Variants in SMYD3 observed in about 807,000 individuals in gnomAD.
The protein encoded by SMYD3 is histone-lysine N-methyltransferase SMYD3.
SMYD3 carries 36 observed loss-of-function variants against 57.7 expected under a neutral mutation model. The ratio of observed to expected loss-of-function variants is 0.62; its 90% CI spans 0.48 to 0.82. The LOEUF is 0.82. Ranked by LOEUF, SMYD3 falls within the 40% of genes least tolerant of loss-of-function variation. The pLI, the probability that SMYD3 is intolerant of heterozygous loss-of-function variation, is 0.00. For synonymous variants in SMYD3, 211 were observed against 195.0 expected (o/e 1.08, Z -0.68); for missense variants, 515 against 538.8 (o/e 0.96, Z 0.44).
chr1:245,848,826 C>T (rs1173454468), intron 10 of SMYD3, among the ~76,000 whole-genome samples: 1 of 152,120 alleles, frequency 6.6e-6, no homozygotes, highest in Admixed American at 6.5e-5. Flanking sequence ...TAAAGGGAAA[C>T]AGGTATCCTT....
intron 5 of SMYD3, among the ~76,000 whole-genome samples, chr1:246,250,740 C>T (rs537982883): frequency 6.6e-6 from 1 of 152,266 alleles, no homozygotes; most frequent in South Asian, 2.1e-4. Flanking sequence ...AAACTTTGGA[C>T]AATAAATACT....
chr1:245,770,951 A>G (rs983982667), intron 10 of SMYD3, among the ~76,000 whole-genome samples: 10 of 152,296 alleles, frequency 6.6e-5, no homozygotes, highest in African/African-American at 2.4e-4. Flanking sequence ...ATACAGAGAC[A>G]ATGTAACAGA....
In SMYD3 at chr1:246,310,661, C is replaced by CT. The variant is rs386370347; in HGVS notation, c.531+16539dup. Among the ~76,000 whole-genome samples the CT allele has an allele frequency of 7.5e-3, 541 of 72,178 alleles. 12 individuals carry two copies. Among genetic ancestry groups the CT allele is most frequent in the Non-Finnish European group, 7.1e-3 (292 of 41,038 alleles). 47.4% of individuals were successfully genotyped at this position (72,178 alleles called of 152,430 possible). On this transcript the variant is annotated intron_variant, in intron 5 of 11. Coordinates refer to ENST00000490107, the MANE Select transcript of SMYD3 (RefSeq NM_001167740.2). ...TTAGGGGAAAGGACAAAGAGTAAGG[C>CT]TTTTTTTTTTTTTTTTTTTTTTTTC... is the stretch of plus-strand genomic sequence containing the variant.
intron 10 of SMYD3, among the ~76,000 whole-genome samples, chr1:245,803,855 T>C (rs1405317411): frequency 6.6e-6 from 1 of 151,756 alleles, no homozygotes; most frequent in Non-Finnish European, 1.5e-5. Flanking sequence ...CTTTGAGCCC[T>C]GGATCCAACC....
chr1:245,873,690 G>A (rs187727647), intron 8 of SMYD3, among the ~76,000 whole-genome samples: 1 of 152,356 alleles, frequency 6.6e-6, no homozygotes, highest in Non-Finnish European at 1.5e-5. Context: ...TTCAAGTGAG[G>A]TTTAAAGGGC....
intron 1 of SMYD3, among the ~76,000 whole-genome samples, chr1:246,410,671 G>C (rs567678115): frequency 6.6e-6 from 1 of 152,268 alleles, no homozygotes; most frequent in South Asian, 2.1e-4. Context: ...GTATCACGAT[G>C]ATGATGGCCT....
intron 5 of SMYD3, among the ~76,000 whole-genome samples, chr1:246,020,916 T>C (rs2148226075): frequency 6.6e-6 from 1 of 152,076 alleles, no homozygotes; most frequent in East Asian, 1.9e-4. Context: ...CAAACCTACA[T>C]CTCCCTCTTC....
At chr1:246,419,766 T>C (rs953808857) in intron 1 of SMYD3, among the ~76,000 whole-genome samples, 2 of 152,336 alleles carry the variant, frequency 1.3e-5, no homozygotes, top group African/African-American at 4.8e-5. Context: ...TATGAGAATC[T>C]AATACCTGAT....
intron 5 of SMYD3, among the ~76,000 whole-genome samples, chr1:246,148,522 G>A (rs2061892348): frequency 6.6e-6 from 1 of 152,118 alleles, no homozygotes; most frequent in African/African-American, 2.4e-5. Context: ...CCTGGACACA[G>A]GACAAAAACG....
At chr1:246,070,553 C>T (rs1392417561) in intron 5 of SMYD3, among the ~76,000 whole-genome samples, 1 of 152,198 alleles carries the variant, frequency 6.6e-6, no homozygotes, top group Admixed American at 6.5e-5. Context: ...CCTGTATTCA[C>T]TTCCCCAAAG....
intron 1 of SMYD3, among the ~76,000 whole-genome samples, chr1:246,487,733 T>C (rs2068209882): frequency 6.6e-6 from 1 of 151,552 alleles, no homozygotes; most frequent in African/African-American, 2.4e-5. Context: ...TCACTCTTGT[T>C]GCCCAGGCTG....
At chr1:245,852,819 A>G (rs1018629790) in intron 10 of SMYD3, among the ~76,000 whole-genome samples, 2 of 152,182 alleles carry the variant, frequency 1.3e-5, no homozygotes, top group African/African-American at 2.4e-5. Context: ...TTCGCCCATC[A>G]CTGTGCAGGT....
At chr1:245,812,078 C>T (rs561801073) in intron 10 of SMYD3, among the ~76,000 whole-genome samples, 1 of 152,174 alleles carries the variant, frequency 6.6e-6, no homozygotes, top group Admixed American at 6.5e-5. Flanking sequence ...TAATTATGTT[C>T]GGTGGCTTGA....
At chr1:246,040,370 GC>G (rs1266116195) in intron 5 of SMYD3, among the ~76,000 whole-genome samples, 1 of 152,108 alleles carries the variant, frequency 6.6e-6, no homozygotes, top group Non-Finnish European at 1.5e-5. Flanking sequence ...CACCACAAAC[GC>G]AAGTGCTGCC....
chr1:246,476,991 T>C (rs993220101), intron 1 of SMYD3, among the ~76,000 whole-genome samples: 1 of 152,210 alleles, frequency 6.6e-6, no homozygotes, highest in Non-Finnish European at 1.5e-5. Flanking sequence ...GAGAAAGAAA[T>C]TGTTCCAACT....
chr1:245,923,304 A>G (rs1328918043), intron 7 of SMYD3, among the ~76,000 whole-genome samples: 1 of 149,720 alleles, frequency 6.7e-6, no homozygotes, highest in Non-Finnish European at 1.5e-5. Context: ...GAAAAAAAAA[A>G]CAAGAAAATC....
rs945675954 is a variant in SMYD3, at chr1:246,389,858, G to A, written c.165-34764C>T. Among the ~76,000 whole-genome samples, 58 of 151,716 alleles carry A rather than the reference G, an allele frequency of 3.8e-4. 1 individual carries two copies. Among genetic ancestry groups the A allele is most frequent in the African/African-American group, 1.3e-3 (53 of 41,374 alleles). On this transcript the variant is annotated intron_variant, in intron 1 of 11. Coordinates refer to ENST00000490107, the MANE Select transcript of SMYD3 (RefSeq NM_001167740.2). ...AGCATTCATTCTTGAAAATCACCTC[G>A]AGGTTGAAGTCAGTTTCTAGAGGAC... is the stretch of plus-strand genomic sequence containing the variant.
chr1:245,818,502 C>T (rs1030922033), intron 10 of SMYD3, among the ~76,000 whole-genome samples: 5 of 152,110 alleles, frequency 3.3e-5, no homozygotes, highest in African/African-American at 1.2e-4. Flanking sequence ...AGCAAAATAA[C>T]CAGCTAACAT....
At chr1:245,946,832 G>A (rs936246730) in intron 5 of SMYD3, among the ~76,000 whole-genome samples, 20 of 151,988 alleles carry the variant, frequency 1.3e-4, no homozygotes, top group Non-Finnish European at 2.2e-4. Context: ...TTATTTCACC[G>A]CCCAAGTAAA....
Sources: allele counts gnomAD v4.1 joint callset (sites outside exome capture counted in the v4.1 genomes callset), GRCh38; gene constraint gnomAD v4.1.1; transcripts MANE v1.5; gene names NCBI Gene and HGNC (gene_info 2026-07-23, HGNC 2026-07-21).